Variants in UCHL1 observed in about 807,000 individuals in gnomAD.
UCHL1 encodes ubiquitin C-terminal hydrolase L1, also known as ubiquitin carboxyl-terminal hydrolase isozyme L1.
Under a neutral mutation model 33.3 loss-of-function variants are expected in UCHL1, and 5 were observed. That is an observed-to-expected ratio of 0.15 (90% confidence interval 0.08 to 0.32). The LOEUF is 0.32. Among genes scored for constraint, UCHL1 ranks in the 10% least tolerant of loss-of-function variants. UCHL1 has a pLI of 1.00. For missense variants in UCHL1, 236 were observed against 280.0 expected (o/e 0.84, Z 1.12); for synonymous variants, 132 against 108.8 (o/e 1.21, Z -1.33).
At chr4:41,263,361 A>G in intron 7 of UCHL1, 70 bp downstream of exon 7, 1 of 1,430,200 alleles carries the variant, frequency 7.0e-7, no homozygotes, top group Admixed American at 1.7e-5. Flanking sequence ...TTCTCTTGAT[A>G]TATTGTGTGA....
intron 2 of UCHL1, 88 bp from the exon 3 acceptor site, chr4:41,257,521 G>A: frequency 1.5e-6 from 2 of 1,367,946 alleles, no homozygotes; most frequent in Admixed American, 3.9e-5. Context: ...CGGGCGCGGA[G>A]GGCGCGCGCC....
intron 6 of UCHL1, among the ~76,000 whole-genome samples, chr4:41,262,359 T>C (rs1258578588): frequency 2.0e-5 from 3 of 152,012 alleles, no homozygotes; most frequent in Non-Finnish European, 4.4e-5. Flanking sequence ...GGTGGGAGAA[T>C]TGCTTGAGCC....
At chr4:41,265,007 C>T (rs1279994537) in intron 8 of UCHL1, among the ~76,000 whole-genome samples, 1 of 152,192 alleles carries the variant, frequency 6.6e-6, no homozygotes, top group African/African-American at 2.4e-5. Context: ...GCATATGGCT[C>T]TGTTGCAAGT....
rs1253802971 is a variant in UCHL1 at position 41,268,302 on chromosome 4, G to GTCT, written c.*230_*231insCTT. ...TTCAGATGGTGAAGCATTCTCCCCAGTGTATGTCTTGTATCCGATATCTAA... is the reference window on the plus strand; with the variant it reads ...TTCAGATGGTGAAGCATTCTCCCCAGTCTTGTATGTCTTGTATCCGATATCTAA... On this transcript the variant is annotated 3_prime_UTR_variant, in exon 9 of 9. Coordinates refer to ENST00000284440, the MANE Select transcript of UCHL1 (RefSeq NM_004181.5). 3.4e-6 allele frequency: 2 copies of GTCT among 592,500 alleles called. No homozygotes were observed. Among genetic ancestry groups the GTCT allele is most frequent in the Non-Finnish European group, 6.0e-6 (2 of 332,402 alleles). 36.7% of individuals were successfully genotyped at this position (592,500 alleles called of 1,614,324 possible). A position where few individuals can be genotyped will look rare whatever the true frequency, so the allele number is the denominator to read the frequency against.
At chr4:41,262,588 T>A (rs1459129199) in intron 6 of UCHL1, among the ~76,000 whole-genome samples, 1 of 151,844 alleles carries the variant, frequency 6.6e-6, no homozygotes, top group African/African-American at 2.4e-5. Context: ...TGAGAACCTC[T>A]GAGTCAGCTG....
In UCHL1 at chr4:41,257,677, T is replaced by C. The variant is rs1781002837; in HGVS notation, c.114T>C (p.Ser38=). The C allele has an allele frequency of 6.3e-7, 1 of 1,575,152 alleles. No individual in the cohort carries two copies. Among genetic ancestry groups the C allele is most frequent in the Non-Finnish European group, 8.6e-7 (1 of 1,163,836 alleles). The change falls in exon 3 of 9, where the codon TCT becomes TCC. Residue 38 remains serine, a synonymous_variant. Transcript: ENST00000284440. The part of the protein sequence containing the change: ...FVDVLGLEEE[S]LGSVPAPACA... ...ACGTGCTGGGGCTGGAAGAGGAGTCTCTGGGCTCGGTGCCAGCGCCTGCCT... is the reference window on the plus strand; with the variant it reads ...ACGTGCTGGGGCTGGAAGAGGAGTCCCTGGGCTCGGTGCCAGCGCCTGCCT...
chr4:41,264,356 G>C, intron 8 of UCHL1, 195 bp downstream of exon 8: 2 of 660,504 alleles, frequency 3.0e-6, no homozygotes, highest in Non-Finnish European at 5.3e-6. Flanking sequence ...CAGGGCTTCA[G>C]AGACACCCTG....
intron 3 of UCHL1, 132 bp downstream of exon 3, chr4:41,257,869 G>A: frequency 1.6e-5 from 22 of 1,366,364 alleles, no homozygotes; most frequent in Non-Finnish European, 2.0e-5. Flanking sequence ...GAAGGGAGGA[G>A]CCTGCATTTT....
chr4:41,257,908 C>A (rs889465372), intron 3 of UCHL1, among the ~76,000 whole-genome samples, 171 bp downstream of exon 3: 1 of 152,198 alleles, frequency 6.6e-6, no homozygotes, highest in Non-Finnish European at 1.5e-5. Context: ...GGCTCCTGTT[C>A]CAGCGGTGCC....
rs2154087386 is a variant in UCHL1 at position 41,268,337 on chromosome 4, T to G, written c.*264T>G. Reference sequence around the variant, plus strand: ...TGTATCCGATATCTAACGCTTTAAATGGCTACTTTGGTTTCTGTCTGTAAG... The same window carrying G: ...TGTATCCGATATCTAACGCTTTAAAGGGCTACTTTGGTTTCTGTCTGTAAG... On this transcript the variant is annotated 3_prime_UTR_variant, in exon 9 of 9. Transcript: ENST00000284440. 1 of 523,578 alleles carries G rather than the reference T, an allele frequency of 1.9e-6. No homozygotes were observed. 32.4% of individuals were successfully genotyped at this position (523,578 alleles called of 1,614,324 possible). A position where few individuals can be genotyped will look rare whatever the true frequency, so the allele number is the denominator to read the frequency against.
chr4:41,261,609 A>G, intron 4 of UCHL1, 106 bp from the exon 5 acceptor site: 1 of 1,226,872 alleles, frequency 8.2e-7, no homozygotes, highest in Non-Finnish European at 1.2e-6. Context: ...AGGCAGTATT[A>G]AAGATTCAGG....
At chr4:41,264,487 A>G in intron 8 of UCHL1, 1 of 411,758 alleles carries the variant, frequency 2.4e-6, no homozygotes, top group Non-Finnish European at 4.5e-6. Context: ...TCATAGCTAA[A>G]GACTCACAAA....
chr4:41,263,178 A>G, intron 6 of UCHL1, 47 bp from the exon 7 acceptor site: 1 of 1,455,996 alleles, frequency 6.9e-7, no homozygotes. Flanking sequence ...GATAATTTTT[A>G]AAATACAGCT....
intron 8 of UCHL1, chr4:41,264,459 T>C: frequency 2.1e-6 from 1 of 469,486 alleles, no homozygotes; most frequent in Non-Finnish European, 3.9e-6. Context: ...GTGACCATTG[T>C]CCTCCCATCA....
At chr4:41,261,575 G>A in intron 4 of UCHL1, 140 bp from the exon 5 acceptor site, 1 of 868,384 alleles carries the variant, frequency 1.2e-6, no homozygotes. Flanking sequence ...TAGGGGAAAA[G>A]GTACAGCTCA....
intron 6 of UCHL1, among the ~76,000 whole-genome samples, chr4:41,262,862 C>T (rs991254150): frequency 6.6e-6 from 1 of 152,126 alleles, no homozygotes; most frequent in African/African-American, 2.4e-5. Flanking sequence ...CCTGCCTCAG[C>T]CTCCCAAAGT....
chr4:41,262,144 T>C (rs1451321621), intron 6 of UCHL1, among the ~76,000 whole-genome samples: 1 of 152,220 alleles, frequency 6.6e-6, no homozygotes, highest in Non-Finnish European at 1.5e-5. Flanking sequence ...AAATTCAAAT[T>C]GACAGTATTT....
intron 2 of UCHL1, 115 bp downstream of exon 2, chr4:41,257,241 C>T (rs896002013): frequency 2.6e-6 from 4 of 1,529,844 alleles, no homozygotes; most frequent in South Asian, 2.4e-5. Context: ...GCACCGGAGA[C>T]GGCCGGGCTG....
chr4:41,259,756 C>T (rs1033372620), intron 3 of UCHL1, among the ~76,000 whole-genome samples: 1 of 152,198 alleles, frequency 6.6e-6, no homozygotes, highest in Non-Finnish European at 1.5e-5. Flanking sequence ...TCTCAAACTT[C>T]TGAGCTCAAG....
Sources: gnomAD v4.1 joint callset for allele counts (sites outside exome capture counted in the v4.1 genomes callset) on GRCh38, gnomAD v4.1.1 for gene constraint, MANE v1.5 for transcripts, NCBI Gene and HGNC (gene_info 2026-07-23, HGNC 2026-07-21) for gene names.